Variants in DOCK2 observed in about 807,000 individuals in gnomAD.
DOCK2 encodes dedicator of cytokinesis protein 2.
A neutral mutation model predicts 248.9 loss-of-function variants in DOCK2; 87 were observed. That is an observed-to-expected ratio of 0.35 (90% CI 0.29 to 0.42). The LOEUF (loss-of-function observed/expected upper bound fraction) is 0.42, where lower values mean the gene tolerates loss of function less well. DOCK2 is among the 10% of genes least tolerant of loss of function. The pLI is 1.00. For synonymous variants in DOCK2, 805 were observed against 821.6 expected, an observed-to-expected ratio of 0.98 and a Z score of 0.35; for missense variants, 1,747 against 2,300.2, an observed-to-expected ratio of 0.76 and a Z score of 4.92.
intron 25 of DOCK2, among the ~76,000 whole-genome samples, chr5:169,766,108 G>A (rs1215360502): frequency 1.3e-5 from 2 of 151,998 alleles, no homozygotes; most frequent in South Asian, 2.1e-4. Flanking sequence ...AGGAACATGT[G>A]CAGGTTTGTT....
intron 33 of DOCK2, among the ~76,000 whole-genome samples, chr5:170,021,628 G>T (rs1350934727): frequency 6.6e-6 from 1 of 152,128 alleles, no homozygotes; most frequent in Non-Finnish European, 1.5e-5. Context: ...ACTCCAGTGT[G>T]CATTCATTCT....
At chr5:169,657,527 G>A (rs11743081) in intron 2 of DOCK2, among the ~76,000 whole-genome samples, 2 of 151,920 alleles carry the variant, frequency 1.3e-5, no homozygotes, top group African/African-American at 2.4e-5. Context: ...CAAATGAATC[G>A]ATTTATAAAA....
chr5:169,662,826 G>T (rs1265510036), intron 2 of DOCK2, among the ~76,000 whole-genome samples: 6 of 152,144 alleles, frequency 3.9e-5, no homozygotes, highest in African/African-American at 1.4e-4. Context: ...TGTGGGTGGG[G>T]ACACAGAGCC....
chr5:169,791,623 C>T (rs1766341016), intron 25 of DOCK2, among the ~76,000 whole-genome samples: 1 of 152,206 alleles, frequency 6.6e-6, no homozygotes, highest in African/African-American at 2.4e-5. Flanking sequence ...TTGCCCTGCA[C>T]TCATGAGCCG....
chr5:169,828,599 G>T (rs1233336157), intron 26 of DOCK2, among the ~76,000 whole-genome samples: 1 of 152,182 alleles, frequency 6.6e-6, no homozygotes, highest in Non-Finnish European at 1.5e-5. Flanking sequence ...TATTTTCACT[G>T]TAGGAAGGAG....
chr5:169,922,910 C>T (rs1775248616), intron 27 of DOCK2, among the ~76,000 whole-genome samples: 1 of 152,156 alleles, frequency 6.6e-6, no homozygotes, highest in Non-Finnish European at 1.5e-5. Flanking sequence ...TTAACAAACA[C>T]CTGTACAGTA....
At chr5:169,747,365 T>C (rs753061456) in intron 22 of DOCK2, 31 bp from the exon 23 acceptor site, 2 of 1,582,276 alleles carry the variant, frequency 1.3e-6, no homozygotes, top group Non-Finnish European at 1.7e-6. Context: ...TCTGTTAGCT[T>C]GAGAAATGAC....
chr5:169,754,649 G>A (rs1268737886), intron 23 of DOCK2, among the ~76,000 whole-genome samples: 1 of 152,168 alleles, frequency 6.6e-6, no homozygotes, highest in African/African-American at 2.4e-5. Flanking sequence ...CACTTGCCGA[G>A]ATAGAATGCC....
intron 26 of DOCK2, among the ~76,000 whole-genome samples, chr5:169,814,089 A>G (rs1227950843): frequency 2.6e-5 from 4 of 152,244 alleles, no homozygotes; most frequent in African/African-American, 4.8e-5. Flanking sequence ...GAAACAGGAT[A>G]TTTGCATAAT....
At chr5:169,804,010 G>A (rs922132949) in intron 26 of DOCK2, among the ~76,000 whole-genome samples, 4 of 152,190 alleles carry the variant, frequency 2.6e-5, no homozygotes, top group African/African-American at 4.8e-5. Context: ...ACTGGCTTCA[G>A]AGGACTACAT....
At chr5:169,743,003 C>T (rs191555701) in intron 22 of DOCK2, among the ~76,000 whole-genome samples, 8 of 152,288 alleles carry the variant, frequency 5.3e-5, no homozygotes, top group East Asian at 1.9e-4. Flanking sequence ...TCTTTCCAGG[C>T]GTTCTAGGCC....
At chr5:169,911,823 T>G (rs1489955484) in intron 27 of DOCK2, among the ~76,000 whole-genome samples, 1 of 152,180 alleles carries the variant, frequency 6.6e-6, no homozygotes, top group Non-Finnish European at 1.5e-5. Context: ...AAAGCCTAGA[T>G]GCCAGGAAAG....
At chr5:169,860,553 C>T (rs1183360414) in intron 27 of DOCK2, among the ~76,000 whole-genome samples, 1 of 152,164 alleles carries the variant, frequency 6.6e-6, no homozygotes, top group East Asian at 1.9e-4. Context: ...TGCTGTCAAA[C>T]CCAAGACTTC....
intron 32 of DOCK2, among the ~76,000 whole-genome samples, chr5:170,014,507 AC>A (rs1755435368): frequency 6.6e-6 from 1 of 151,930 alleles, no homozygotes; most frequent in Admixed American, 6.6e-5. Flanking sequence ...TGGATTTTTT[AC>A]ACTTGCAGCA....
At chr5:169,818,426 C>A (rs191969869) in intron 26 of DOCK2, among the ~76,000 whole-genome samples, 46 of 152,320 alleles carry the variant, frequency 3.0e-4, no homozygotes, top group Admixed American at 2.2e-3. Context: ...ACTTTGGAGA[C>A]ACATAGGCAT....
chr5:170,013,294 C>G (rs923323940), intron 32 of DOCK2, among the ~76,000 whole-genome samples: 1 of 152,048 alleles, frequency 6.6e-6, no homozygotes, highest in African/African-American at 2.4e-5. Flanking sequence ...TAACCAACAT[C>G]GAGCACTGTG....
At chr5:169,997,876 C>A (rs1019881298) in intron 30 of DOCK2, 1 of 454,602 alleles carries the variant, frequency 2.2e-6, no homozygotes, top group Admixed American at 2.4e-5. Flanking sequence ...GGGCTTTCGC[C>A]TCTCAGAAGC....
intron 25 of DOCK2, among the ~76,000 whole-genome samples, chr5:169,793,948 G>A (rs1018839281): frequency 1.3e-5 from 2 of 152,026 alleles, no homozygotes; most frequent in African/African-American, 2.4e-5. Flanking sequence ...CGAGGCCTTC[G>A]TTGACTGCAC....
chr5:169,681,948 G>C (rs1376521962), intron 7 of DOCK2, 69 bp downstream of exon 7: 1 of 1,580,718 alleles, frequency 6.3e-7, no homozygotes, highest in African/African-American at 1.3e-5. Context: ...TTAAAATAAT[G>C]GGCTAATGAA....
Sources: gnomAD v4.1 joint callset for allele counts (sites outside exome capture counted in the v4.1 genomes callset) on GRCh38, gnomAD v4.1.1 for gene constraint, MANE v1.5 for transcripts, NCBI Gene and HGNC (gene_info 2026-07-23, HGNC 2026-07-21) for gene names.